Variants in LRRC49 observed in about 807,000 individuals in gnomAD.
LRRC49 encodes the protein leucine rich repeat containing 49.
LRRC49 carries 50 observed loss-of-function variants against 83.3 expected under a neutral mutation model. That is an observed-to-expected ratio of 0.60 (90% CI 0.48 to 0.76). The LOEUF is 0.76. Among genes scored for constraint, LRRC49 ranks in the 30% least tolerant of loss-of-function variants. The pLI is 0.00. For missense variants in LRRC49, 704 were observed against 809.1 expected (o/e 0.87, Z 1.58); for synonymous variants, 286 against 283.3 (o/e 1.01, Z -0.10).
At chr15:70,869,108 A>C (rs2032973312) in intron 1 of LRRC49, among the ~76,000 whole-genome samples, 1 of 152,182 alleles carries the variant, frequency 6.6e-6, no homozygotes, top group Admixed American at 6.5e-5. Context: ...TAATTGGAAA[A>C]AAAATTTTAA....
chr15:70,999,070 G>A (rs2038171821), intron 11 of LRRC49, among the ~76,000 whole-genome samples: 1 of 151,746 alleles, frequency 6.6e-6, no homozygotes, highest in African/African-American at 2.4e-5. Flanking sequence ...TCTTTATTTG[G>A]TGAGACATCA....
intron 1 of LRRC49, among the ~76,000 whole-genome samples, chr15:70,871,960 C>G (rs1275769571): frequency 6.6e-6 from 1 of 151,420 alleles, no homozygotes; most frequent in African/African-American, 2.4e-5. Context: ...GATGGGCGGC[C>G]AGGCAGAGAC....
chr15:70,862,179 C>G (rs2032804590), intron 1 of LRRC49, among the ~76,000 whole-genome samples: 1 of 152,234 alleles, frequency 6.6e-6, no homozygotes, highest in Non-Finnish European at 1.5e-5. Flanking sequence ...GGAAGACACA[C>G]AGCAGTCAAT....
At chr15:70,991,808 A>C (rs551036479) in intron 11 of LRRC49, among the ~76,000 whole-genome samples, 54 of 152,370 alleles carry the variant, frequency 3.5e-4, no homozygotes, top group South Asian at 2.9e-3. Context: ...TATAGCTTTT[A>C]CTTCAGGTTT....
At chr15:70,858,804 C>A in intron 1 of LRRC49, 1 of 824,402 alleles carries the variant, frequency 1.2e-6, no homozygotes, top group Non-Finnish European at 2.1e-6. Context: ...GGGCCCAGTG[C>A]CCGCATCAGC....
upstream of LRRC49, chr15:70,891,901 G>A (rs544363825): frequency 2.1e-4 from 337 of 1,613,188 alleles, 2 homozygotes; most frequent in South Asian, 3.5e-3. Context: ...CTGGACCTGG[G>A]GCAGCCTCAG....
chr15:70,942,918 T>A (rs1267067612), intron 8 of LRRC49, among the ~76,000 whole-genome samples: 1 of 152,238 alleles, frequency 6.6e-6, no homozygotes, highest in Non-Finnish European at 1.5e-5. Flanking sequence ...GTATAGATTT[T>A]AAAAATCTAT....
chr15:70,955,009 G>A (rs1408009929), intron 8 of LRRC49, among the ~76,000 whole-genome samples: 1 of 152,054 alleles, frequency 6.6e-6, no homozygotes, highest in African/African-American at 2.4e-5. Context: ...TGGTGGAGGC[G>A]TTGTGGCCGG....
chr15:70,942,334 C>G (rs1267521619), intron 8 of LRRC49, among the ~76,000 whole-genome samples: 1 of 152,064 alleles, frequency 6.6e-6, no homozygotes, highest in Non-Finnish European at 1.5e-5. Context: ...ATTAATTACT[C>G]ATGATTACAT....
chr15:70,925,495 G>A (rs905866888), intron 7 of LRRC49, among the ~76,000 whole-genome samples: 1 of 152,092 alleles, frequency 6.6e-6, no homozygotes, highest in Non-Finnish European at 1.5e-5. Flanking sequence ...TGCCTATCAT[G>A]TGTCAAGCAA....
chr15:70,961,188 A>G (rs1020207696), intron 8 of LRRC49, among the ~76,000 whole-genome samples: 3 of 152,154 alleles, frequency 2.0e-5, no homozygotes, highest in African/African-American at 7.2e-5. Flanking sequence ...ATCTTTTGTC[A>G]TTAGGGAATT....
At chr15:70,948,041 A>G (rs1261892463) in intron 8 of LRRC49, among the ~76,000 whole-genome samples, 3 of 152,258 alleles carry the variant, frequency 2.0e-5, no homozygotes, top group East Asian at 3.9e-4. Flanking sequence ...CTTTGCTCAC[A>G]TTAATGTTAG....
chr15:70,888,567 C>G (rs1183453716), upstream of LRRC49, among the ~76,000 whole-genome samples: 1 of 152,072 alleles, frequency 6.6e-6, no homozygotes, highest in Non-Finnish European at 1.5e-5. Context: ...TTATTACAAA[C>G]AGCATAGTAA....
At chr15:70,892,298 C>A, upstream of LRRC49, 2 of 1,551,576 alleles carry the variant, frequency 1.3e-6, no homozygotes, top group Non-Finnish European at 1.7e-6. Flanking sequence ...TGCGCGGGAG[C>A]CGGGTTCCCT....
At chr15:70,950,287 G>A (rs921005530) in intron 8 of LRRC49, among the ~76,000 whole-genome samples, 1 of 152,104 alleles carries the variant, frequency 6.6e-6, no homozygotes. Flanking sequence ...TTGGTAGAAT[G>A]ATTTATTTTC....
Position 71,049,423 on chromosome 15 carries a change from G to A in LRRC49, c.1872G>A (p.Lys624=). The change falls in exon 16 of 16, where the codon AAG becomes AAA. Residue 624 remains lysine (K), a synonymous_variant. Coordinates refer to ENST00000260382, the MANE Select transcript of LRRC49 (RefSeq NM_017691.5). ...TTTTTTAACAGGAAATAAAGGAAAA[G>A]AAGAAATTCTGTAAAACATATATAG... ...YNEKLEEIKE[K]KKFCKTYIED... is the part of the protein sequence containing the mutation. The A allele has an allele frequency of 6.3e-7, 1 of 1,583,910 alleles. No homozygotes were observed.
chr15:70,884,444 CG>C (rs1458998081), intron 2 of LRRC49, among the ~76,000 whole-genome samples: 1 of 151,724 alleles, frequency 6.6e-6, no homozygotes, highest in African/African-American at 2.4e-5. Flanking sequence ...TGCTTGAAGC[CG>C]GGAGGCAGAG....
intron 8 of LRRC49, among the ~76,000 whole-genome samples, chr15:70,958,370 A>G (rs1334293181): frequency 1.3e-5 from 2 of 152,104 alleles, no homozygotes; most frequent in African/African-American, 4.8e-5. Flanking sequence ...ATTCTTAATT[A>G]TTGTTTTGAT....
At chr15:70,911,756 T>C (rs2141122598) in intron 6 of LRRC49, among the ~76,000 whole-genome samples, 158 bp downstream of exon 6, 1 of 152,312 alleles carries the variant, frequency 6.6e-6, no homozygotes, top group Middle Eastern at 3.4e-3. Flanking sequence ...GAAGATTTGG[T>C]AACTCCTCAG....
Sources: gnomAD v4.1 joint callset for allele counts (sites outside exome capture counted in the v4.1 genomes callset) on GRCh38, gnomAD v4.1.1 for gene constraint, MANE v1.5 for transcripts, NCBI Gene and HGNC (gene_info 2026-07-23, HGNC 2026-07-21) for gene names.